Variants in ATP8A2 observed in about 807,000 individuals in gnomAD.
ATP8A2 encodes ATPase phospholipid transporting 8A2.
ATP8A2 carries 100 observed loss-of-function variants against 165.6 expected under a neutral mutation model. The observed-to-expected ratio is 0.60, with a 90% CI of 0.51 to 0.71. ATP8A2 has a LOEUF of 0.71. Among genes scored for constraint, ATP8A2 ranks in the 30% least tolerant of loss-of-function variants. ATP8A2 has a pLI of 0.00. For synonymous variants in ATP8A2, 543 were observed against 548.8 expected, an observed-to-expected ratio of 0.99 and a Z score of 0.15; for missense variants, 1,227 against 1,479.5, an observed-to-expected ratio of 0.83 and a Z score of 2.80.
At chr13:25,793,769 G>A (rs768826860) in intron 27 of ATP8A2, among the ~76,000 whole-genome samples, 3 of 152,016 alleles carry the variant, frequency 2.0e-5, no homozygotes, top group Non-Finnish European at 4.4e-5. Context: ...AATATGTCAC[G>A]GTGAAGGCCA....
intron 35 of ATP8A2, among the ~76,000 whole-genome samples, chr13:25,982,239 C>A (rs1956184621): frequency 6.6e-6 from 1 of 152,236 alleles, no homozygotes; most frequent in Admixed American, 6.5e-5. Flanking sequence ...TCATATGGAA[C>A]TTTGGGCTTA....
chr13:25,719,848 G>A (rs897446066), intron 25 of ATP8A2, among the ~76,000 whole-genome samples: 12 of 152,172 alleles, frequency 7.9e-5, no homozygotes, highest in South Asian at 2.1e-4. Context: ...AGCTGGCATC[G>A]CTGTGGGGCC....
intron 1 of ATP8A2, among the ~76,000 whole-genome samples, chr13:25,400,072 A>G (rs775160208): frequency 5.9e-5 from 9 of 151,950 alleles, no homozygotes; most frequent in Non-Finnish European, 8.8e-5. Flanking sequence ...ACAGGCACAC[A>G]CTGCCACGCC....
In ATP8A2 at chr13:25,469,088, C is replaced by T. The variant is rs1274213803; in HGVS notation, c.188C>T (p.Pro63Leu). Reference protein sequence around the residue: ...APARTIYLNQPHLNKFRDNQI... With the variant: ...APARTIYLNQLHLNKFRDNQI... ...GCCCGCACCATTTACCTCAACCAAC[C>T]GCATCTCAACAAATTCCGCGACAAC... Residue 63 changes from proline (P) to leucine (L), a missense_variant, in exon 2 of 37, where the codon CCG (proline) becomes CTG (leucine). Pro to Leu is a moderately conservative substitution (Grantham distance 98). Coordinates refer to ENST00000381655, the MANE Select transcript of ATP8A2 (RefSeq NM_016529.6). 6.2e-7 allele frequency: 1 copy of T among 1,614,038 alleles called. No individual in the cohort carries two copies. Among genetic ancestry groups the T allele is most frequent in the Non-Finnish European group, 8.5e-7 (1 of 1,179,906 alleles).
At chr13:25,915,461 G>C (rs1329042668) in intron 33 of ATP8A2, among the ~76,000 whole-genome samples, 1 of 152,220 alleles carries the variant, frequency 6.6e-6, no homozygotes. Context: ...CCAAAGCTCA[G>C]TAGCTGGGTC....
chr13:25,979,409 A>C (rs548013757), intron 35 of ATP8A2, among the ~76,000 whole-genome samples: 1 of 152,214 alleles, frequency 6.6e-6, no homozygotes, highest in South Asian at 2.1e-4. Flanking sequence ...CACGTGAATG[A>C]CTGTCACAGA....
chr13:25,622,010 T>C (rs1487848251), intron 24 of ATP8A2, among the ~76,000 whole-genome samples: 1 of 152,008 alleles, frequency 6.6e-6, no homozygotes, highest in Non-Finnish European at 1.5e-5. Context: ...CCATCTCTAC[T>C]AAAAACAGAC....
chr13:25,902,223 C>T (rs1161968991), intron 33 of ATP8A2, among the ~76,000 whole-genome samples: 1 of 152,188 alleles, frequency 6.6e-6, no homozygotes, highest in Non-Finnish European at 1.5e-5. Flanking sequence ...AATGCAATTC[C>T]GGTCAGAAGA....
At position 25,445,635 on chromosome 13, in the gene ATP8A2, T is replaced by G. The variant is rs1015765415; in HGVS notation, c.77-23342T>G. On this transcript the variant is annotated intron_variant, in intron 1 of 36. Coordinates refer to ENST00000381655, the MANE Select transcript of ATP8A2 (RefSeq NM_016529.6). ...CTTACTATGCTTCTTAAATAGAGAC[T>G]ATGTGAGAAAAATACCATTTGAATT... 3.3e-5 allele frequency among the ~76,000 whole-genome samples: 5 copies of G among 152,306 alleles called. No individual in the cohort carries two copies. In the South Asian group the frequency reaches 1.0e-3, roughly 32 times the overall value.
chr13:25,775,387 T>G (rs1325585489), intron 27 of ATP8A2, among the ~76,000 whole-genome samples: 1 of 152,202 alleles, frequency 6.6e-6, no homozygotes, highest in Non-Finnish European at 1.5e-5. Context: ...GATTTCTGCC[T>G]TATTTCTCAC....
intron 1 of ATP8A2, among the ~76,000 whole-genome samples, chr13:25,410,146 A>G (rs116379378): frequency 0.012 from 1,797 of 151,750 alleles, 44 homozygotes; most frequent in African/African-American, 0.041. Flanking sequence ...AAACCCCATT[A>G]GCGTCTCCCA....
At chr13:25,493,410 C>T (rs1204493680) in intron 2 of ATP8A2, among the ~76,000 whole-genome samples, 2 of 152,004 alleles carry the variant, frequency 1.3e-5, no homozygotes, top group Admixed American at 6.5e-5. Flanking sequence ...TTGATGGGGG[C>T]GCTTAAACCA....
At chr13:25,544,936 G>T (rs2038599970) in intron 10 of ATP8A2, among the ~76,000 whole-genome samples, 1 of 148,186 alleles carries the variant, frequency 6.7e-6, no homozygotes, top group Non-Finnish European at 1.5e-5. Context: ...TTTTAACATG[G>T]CATCCAAGGA....
chr13:25,945,607 C>G (rs966888414), intron 33 of ATP8A2, among the ~76,000 whole-genome samples: 1 of 151,962 alleles, frequency 6.6e-6, no homozygotes, highest in African/African-American at 2.4e-5. Context: ...TGTGGAGGGG[C>G]AGTGAAAAGA....
chr13:25,779,237 CA>C (rs2044815193), intron 27 of ATP8A2, among the ~76,000 whole-genome samples: 1 of 151,946 alleles, frequency 6.6e-6, no homozygotes, highest in South Asian at 2.1e-4. Flanking sequence ...GTTTGAAAAA[CA>C]AATTTTACCC....
intron 2 of ATP8A2, among the ~76,000 whole-genome samples, chr13:25,503,741 C>T (rs1470918943): frequency 1.3e-5 from 2 of 151,916 alleles, no homozygotes; most frequent in Non-Finnish European, 2.9e-5. Flanking sequence ...TTAAGGTCCT[C>T]GGGTTAAAAA....
chr13:25,559,521 G>T (rs1233265058), intron 14 of ATP8A2, among the ~76,000 whole-genome samples, 200 bp from the exon 15 acceptor site: 1 of 152,192 alleles, frequency 6.6e-6, no homozygotes, highest in African/African-American at 2.4e-5. Context: ...GACAGAGTGA[G>T]ACTCTGTCTC....
At chr13:25,465,325 G>A (rs940236145) in intron 1 of ATP8A2, among the ~76,000 whole-genome samples, 2 of 152,116 alleles carry the variant, frequency 1.3e-5, no homozygotes, top group African/African-American at 4.8e-5. Context: ...TTGGGGACAG[G>A]TGCGGGGTGG....
intron 35 of ATP8A2, among the ~76,000 whole-genome samples, chr13:25,986,190 A>G (rs1194250668): frequency 2.6e-5 from 4 of 152,352 alleles, no homozygotes; most frequent in Admixed American, 1.3e-4. Flanking sequence ...ATACATATCC[A>G]TCACTTCACA....
Sources: allele counts gnomAD v4.1 joint callset (sites outside exome capture counted in the v4.1 genomes callset), GRCh38; gene constraint gnomAD v4.1.1; transcripts MANE v1.5; gene names NCBI Gene and HGNC (gene_info 2026-07-23, HGNC 2026-07-21).